The following TACC2 variants were observed in gnomAD, a reference collection of about 807,000 sequenced individuals.
TACC2 encodes the protein transforming acidic coiled-coil containing protein 2, also known as transforming acidic coiled-coil-containing protein 2.
A neutral mutation model predicts 227.3 loss-of-function variants in TACC2; 137 were observed. The observed-to-expected ratio is 0.60, with a 90% confidence interval of 0.52 to 0.69. TACC2 has a LOEUF of 0.69. TACC2 is among the 30% of genes least tolerant of loss of function. The probability of loss-of-function intolerance (pLI) is 0.00; values close to 1 mark genes in which losing one functional copy is unlikely to be tolerated. For missense variants in TACC2, 3,470 were observed against 3,694.4 expected (o/e 0.94, Z 1.57); for synonymous variants, 1,523 against 1,487.5 (o/e 1.02, Z -0.55).
rs1380677810 is a variant in TACC2 at position 122,083,956 on chromosome 10, C to T, written c.1456C>T (p.Pro486Ser). The change falls in exon 4 of 23, where the codon CCT becomes TCT. Residue 486 changes from proline to serine, a missense_variant. This residue lies in a region of TACC2 where 1,924 missense variants were observed against 1,978.3 expected (regional missense o/e 0.97). Coordinates refer to ENST00000369005, the MANE Select transcript of TACC2 (RefSeq NM_206862.4). The part of the protein sequence containing the change: ...GSKGEHPEGD[P>S]GEVPAPSPQE... ...CAAGGGAGAGCATCCAGAAGGGGAC[C>T]CTGGAGAGGTTCCTGCCCCATCACC... The T allele has an allele frequency of 2.5e-6, 4 of 1,613,918 alleles. No homozygotes were observed. The highest frequency in any genetic ancestry group is 2.5e-6 in the Non-Finnish European group (3 of 1,179,976).
At chr10:122,211,749 G>T (rs1371164001) in intron 9 of TACC2, 41 bp downstream of exon 9, 1 of 1,498,462 alleles carries the variant, frequency 6.7e-7, no homozygotes, top group South Asian at 1.4e-5. Flanking sequence ...AGAGGCGGGG[G>T]TGCGCATTGG....
chr10:122,035,072 C>T (rs1179936211), intron 2 of TACC2, among the ~76,000 whole-genome samples: 1 of 152,146 alleles, frequency 6.6e-6, no homozygotes, highest in Non-Finnish European at 1.5e-5. Flanking sequence ...AGGTTGGAGA[C>T]AAGAAGCCAT....
At chr10:122,040,756 C>T (rs1374134063) in intron 2 of TACC2, among the ~76,000 whole-genome samples, 1 of 152,178 alleles carries the variant, frequency 6.6e-6, no homozygotes, top group Admixed American at 6.5e-5. Context: ...TCCCAAAAAA[C>T]ATAATTTTCA....
intron 1 of TACC2, among the ~76,000 whole-genome samples, chr10:122,015,386 T>C (rs766732985): frequency 4.6e-5 from 7 of 151,776 alleles, no homozygotes; most frequent in Non-Finnish European, 1.0e-4. Context: ...GCACCTGTAG[T>C]CTCAGCTACT....
At chr10:122,017,633 A>G (rs991651416) in intron 1 of TACC2, among the ~76,000 whole-genome samples, 4 of 151,928 alleles carry the variant, frequency 2.6e-5, no homozygotes, top group African/African-American at 9.7e-5. Flanking sequence ...CCTGGCCAAC[A>G]TGGCAAAACC....
intron 1 of TACC2, among the ~76,000 whole-genome samples, chr10:122,008,264 A>ATTATTATTATTATTATTTTATT: frequency 7.4e-6 from 1 of 134,654 alleles, no homozygotes; most frequent in East Asian, 2.1e-4. Flanking sequence ...TATTATTATT[A>ATTATTATTATTATTATTTTATT]TTTTTTTTTT....
At chr10:122,174,754 TAG>T (rs1391658061) in intron 7 of TACC2, among the ~76,000 whole-genome samples, 1 of 152,208 alleles carries the variant, frequency 6.6e-6, no homozygotes, top group African/African-American at 2.4e-5. Context: ...ATTGACTAGA[TAG>T]AGTCACTAAG....
intron 3 of TACC2, among the ~76,000 whole-genome samples, chr10:122,073,370 T>C (rs1404245562): frequency 2.0e-5 from 3 of 151,944 alleles, no homozygotes; most frequent in Non-Finnish European, 4.4e-5. Context: ...GAGACCTGAT[T>C]TGGCTTTTGC....
intron 5 of TACC2, among the ~76,000 whole-genome samples, chr10:122,132,391 C>G (rs1007593494): frequency 6.6e-6 from 1 of 152,152 alleles, no homozygotes; most frequent in Non-Finnish European, 1.5e-5. Context: ...ACTAAAAATA[C>G]AAAAAAATTA....
rs372405430 is a variant in TACC2 at position 122,085,979 on chromosome 10, T to G, written c.3479T>G (p.Leu1160Arg). The G allele has an allele frequency of 3.2e-5, 52 of 1,614,016 alleles. No homozygotes were observed. In the African/African-American group the frequency reaches 6.7e-4, roughly 21 times the overall value. ...GAAGCTACTTTGAGTTGTGGCCTCC[T>G]TCAGACTGAGCACTGCCTTACCTCC... ...PGEATLSCGLLQTEHCLTSGE... is the reference protein window; with the variant it reads ...PGEATLSCGLRQTEHCLTSGE... Residue 1160 changes from leucine to arginine, a missense_variant, in exon 4 of 23, where the codon CTT becomes CGT. Leu to Arg is a moderately radical substitution (Grantham distance 102, BLOSUM62 -2). Transcript: ENST00000369005.
rs1167084872 is a variant in TACC2, at chr10:122,073,126, A to AATATAT, written c.147-9499_147-9494dup. On this transcript the variant is annotated intron_variant, in intron 3 of 22. Coordinates refer to ENST00000369005, the MANE Select transcript of TACC2 (RefSeq NM_206862.4). ...TGTCTCAAAAAAAAAAAAAAAAAAAAATATATATATATATATATATATATA... is the reference window on the plus strand; with the variant it reads ...TGTCTCAAAAAAAAAAAAAAAAAAAAATATATATATATATATATATATATATATATA... Among the ~76,000 whole-genome samples the AATATAT allele has an allele frequency of 1.3e-3, 95 of 70,986 alleles. 3 individuals carry two copies. Among genetic ancestry groups the AATATAT allele is most frequent in the South Asian group, 2.7e-3 (5 of 1,860 alleles). The allele number at this position is 70,986 out of a possible 152,430, so 46.6% of individuals were successfully genotyped here.
intron 1 of TACC2, among the ~76,000 whole-genome samples, chr10:121,998,998 C>T (rs1456473765): frequency 5.3e-5 from 8 of 151,418 alleles, no homozygotes; most frequent in Non-Finnish European, 7.4e-5. Context: ...GCTGGAGTGG[C>T]CATTTCTTTC....
intron 7 of TACC2, among the ~76,000 whole-genome samples, chr10:122,165,858 C>G (rs1225287597): frequency 1.3e-5 from 2 of 152,224 alleles, no homozygotes; most frequent in African/African-American, 2.4e-5. Context: ...AGCATCTGTC[C>G]TCTTCAAAAC....
chr10:122,190,461 C>T (rs1219684037), intron 7 of TACC2, among the ~76,000 whole-genome samples: 2 of 152,260 alleles, frequency 1.3e-5, no homozygotes, highest in Non-Finnish European at 2.9e-5. Context: ...AGTACACAGT[C>T]GAGGAGCTCG....
chr10:122,144,957 C>A (rs537611544), intron 7 of TACC2, among the ~76,000 whole-genome samples: 1 of 152,164 alleles, frequency 6.6e-6, no homozygotes, highest in South Asian at 2.1e-4. Context: ...TATGGGAGGT[C>A]TGCTTTTCTG....
intron 7 of TACC2, among the ~76,000 whole-genome samples, chr10:122,168,024 C>A (rs991423572): frequency 3.4e-5 from 5 of 149,250 alleles, no homozygotes; most frequent in African/African-American, 1.2e-4. Context: ...GTAGCTGGGA[C>A]TATAGGTACA....
At chr10:122,113,090 G>C (rs1262226394) in intron 5 of TACC2, 1 of 152,272 alleles carries the variant, frequency 6.6e-6, no homozygotes, top group Non-Finnish European at 1.5e-5. Flanking sequence ...GAAACTTTGC[G>C]TCCCAGGGCC....
intron 3 of TACC2, chr10:122,051,757 C>G (rs2075710204): frequency 7.2e-6 from 1 of 138,916 alleles, no homozygotes; most frequent in Non-Finnish European, 1.5e-5. Flanking sequence ...CCTTGAGACT[C>G]AAAGTGACTT....
At position 122,086,764 on chromosome 10, in the gene TACC2, G is replaced by C; in HGVS notation, c.4264G>C (p.Gly1422Arg). ...CAAGATCTTCGAGAAGCCTGTGCTC[G>C]GAGCCCTGGCCACACCTGGAGAAAA... ...IAKIFEKPVL[G>R]ALATPGEKAG... The change falls in exon 4 of 23, where the codon GGA becomes CGA. Residue 1422 changes from glycine to arginine, a missense_variant. Transcript: ENST00000369005. The C allele has an allele frequency of 6.2e-7, 1 of 1,613,956 alleles. No homozygotes were observed. The highest frequency in any genetic ancestry group is 8.5e-7 in the Non-Finnish European group (1 of 1,179,990).
Sources: allele counts gnomAD v4.1 joint callset (sites outside exome capture counted in the v4.1 genomes callset), GRCh38; gene constraint gnomAD v4.1.1; regional missense constraint gnomAD v4.1.1; transcripts MANE v1.5; gene names NCBI Gene and HGNC (gene_info 2026-07-23, HGNC 2026-07-21).